SMO: variants seen among roughly 807,000 people sequenced by gnomAD.
SMO encodes the protein smoothened, frizzled class receptor.
SMO carries 40 observed loss-of-function variants against 81.6 expected under a neutral mutation model. The ratio of observed to expected loss-of-function variants is 0.49; its 90% CI spans 0.38 to 0.64. The LOEUF is 0.64. Ranked by LOEUF, SMO falls within the 30% of genes least tolerant of loss-of-function variation. The pLI, the probability that SMO is intolerant of heterozygous loss-of-function variation, is 0.00. For synonymous variants in SMO, 434 were observed against 432.1 expected (o/e 1.00, Z -0.05); for missense variants, 916 against 1,061.1 (o/e 0.86, Z 1.90).
At position 129,210,660 on chromosome 7, in the gene SMO, A is replaced by T. The variant is rs947346284; in HGVS notation, c.1652+112A>T. On this transcript the variant is annotated intron_variant, in intron 9 of 11. Coordinates refer to ENST00000249373, the MANE Select transcript of SMO (RefSeq NM_005631.5). The surrounding 1 kb of genome is among the most constrained non-coding windows in gnomAD (Gnocchi z 4.7). Reference sequence around the variant, plus strand: ...CTAGCACAGCCTTGGTCAGTGGTTCACCGCTGCCCCCTGGTGGCACCTTCT... The same window carrying T: ...CTAGCACAGCCTTGGTCAGTGGTTCTCCGCTGCCCCCTGGTGGCACCTTCT... 3 of 911,056 alleles carry T rather than the reference A, an allele frequency of 3.3e-6. No homozygotes were observed. In the African/African-American group the frequency reaches 4.9e-5, roughly 15 times the overall value. 56.4% of individuals were successfully genotyped at this position (911,056 alleles called of 1,614,324 possible).
At chr7:129,203,610 G>T (rs2150647008) in intron 2 of SMO, 21 bp downstream of exon 2, 1 of 1,580,304 alleles carries the variant, frequency 6.3e-7, no homozygotes, top group African/African-American at 1.3e-5. Context: ...TGTGAGACAA[G>T]GTCCAGGCTC....
chr7:129,213,216 A>G lies in SMO; in HGVS notation c.*765A>G, dbSNP rs9607. ...CCATCTCCACAGGAGAGACTGGTTC[A>G]GCTCTAGGGCCTCAGTCTGGAGTGG... On this transcript the variant is annotated 3_prime_UTR_variant, in exon 12 of 12. Coordinates refer to ENST00000249373, the MANE Select transcript of SMO (RefSeq NM_005631.5). The G allele has an allele frequency of 0.77, 179,757 of 233,278 alleles. 70,810 individuals carry two copies. Among genetic ancestry groups the G allele is most frequent in the Middle Eastern group, 0.88 (692 of 786 alleles). The allele number at this position is 233,278 out of a possible 1,614,324, so 14.5% of individuals were successfully genotyped here.
chr7:129,193,778 AAAAAAAAAT>A (rs1793516498), intron 1 of SMO, among the ~76,000 whole-genome samples: 1 of 91,580 alleles, frequency 1.1e-5, no homozygotes, highest in Non-Finnish European at 2.1e-5. Flanking sequence ...AAAAAAAAAA[AAAAAAAAAT>A]ATATATATAT....
chr7:129,199,542 C>CA (rs1793634239), intron 1 of SMO, among the ~76,000 whole-genome samples: 1 of 152,116 alleles, frequency 6.6e-6, no homozygotes. Flanking sequence ...CAAGACCAGC[C>CA]TGAGCAACAT....
chr7:129,201,560 C>T (rs1292417692), intron 1 of SMO, among the ~76,000 whole-genome samples: 1 of 152,194 alleles, frequency 6.6e-6, no homozygotes, highest in Non-Finnish European at 1.5e-5. Flanking sequence ...CATATATTCT[C>T]TCATGCTACT....
At position 129,213,467 on chromosome 7, in the gene SMO, C is replaced by A. The variant is rs1061285; in HGVS notation, c.*1016C>A. Reference sequence around the variant, plus strand: ...CAAGGCCCCACTTTCAAGAATCAGACAGCAGGAAGCCATAGATGCTGGCTG... The same window carrying A: ...CAAGGCCCCACTTTCAAGAATCAGAAAGCAGGAAGCCATAGATGCTGGCTG... On this transcript the variant is annotated 3_prime_UTR_variant, in exon 12 of 12. Coordinates refer to ENST00000249373, the MANE Select transcript of SMO (RefSeq NM_005631.5). 0.14 allele frequency: 32,743 copies of A among 232,636 alleles called. 2,526 individuals are homozygous for A. The highest frequency in any genetic ancestry group is 0.25 in the East Asian group (4,111 of 16,444). The allele number at this position is 232,636 out of a possible 1,614,324, so 14.4% of individuals were successfully genotyped here. A position where few individuals can be genotyped will look rare whatever the true frequency, so the allele number is the denominator to read the frequency against.
At chr7:129,209,078 C>A in intron 7 of SMO, 1 of 608,422 alleles carries the variant, frequency 1.6e-6, no homozygotes, top group South Asian at 1.9e-5. Flanking sequence ...TTCCTCCTGC[C>A]CACTACGTCC....
intron 1 of SMO, among the ~76,000 whole-genome samples, chr7:129,196,842 T>C (rs149516685): frequency 0.043 from 6,501 of 151,794 alleles, 152 homozygotes; most frequent in African/African-American, 0.048. Context: ...ATGGTGAAAC[T>C]CCATCTCTAC....
intron 1 of SMO, among the ~76,000 whole-genome samples, chr7:129,194,781 AT>A (rs1793544877): frequency 6.6e-6 from 1 of 151,152 alleles, no homozygotes; most frequent in Non-Finnish European, 1.5e-5. Context: ...TTGCTTGTTT[AT>A]TTGTTTGTTT....
Position 129,211,057 on chromosome 7 carries a change from A to G in SMO, c.1745A>G (p.Asn582Ser), listed in dbSNP as rs1408612211. 1 of 1,613,928 alleles carries G rather than the reference A, an allele frequency of 6.2e-7. No individual in the cohort carries two copies. Among genetic ancestry groups the G allele is most frequent in the East Asian group, 2.2e-5 (1 of 44,854 alleles). The change falls in exon 10 of 12, where the codon AAC (asparagine) becomes AGC (serine). Residue 582 changes from asparagine to serine, a missense_variant. By Grantham distance (46) the Asn-to-Ser change is conservative (BLOSUM62 1). This residue lies in a region of SMO where 324 missense variants were observed against 312.9 expected (regional missense o/e 1.04). Transcript: ENST00000249373. The surrounding 1 kb of genome is among the most constrained non-coding windows in gnomAD (Gnocchi z 4.6). ...TCTAAGCGGCACGAGCTCCTGCAGA[A>G]CCCAGGCCAGGAGCTGTCCTTCAGC... ...AFSKRHELLQ[N>S]PGQELSFSMH...
chr7:129,191,202 T>C (rs1793476716), intron 1 of SMO, among the ~76,000 whole-genome samples: 1 of 152,248 alleles, frequency 6.6e-6, no homozygotes, highest in African/African-American at 2.4e-5. Flanking sequence ...GTTAAATGCA[T>C]GTTTGATGTT....
In SMO at chr7:129,203,055, A is replaced by C. The variant is rs1433982039; in HGVS notation, c.332-329A>C. 2.6e-5 allele frequency among the ~76,000 whole-genome samples: 4 copies of C among 152,338 alleles called. No homozygotes were observed. In the East Asian group the frequency reaches 7.7e-4, roughly 29 times the overall value. Reference sequence around the variant, plus strand: ...TGTAACCAGTACCAGATCAAGAAGTAAAACATTCCCAGCAGCCCAGAGGTT... The same window carrying C: ...TGTAACCAGTACCAGATCAAGAAGTCAAACATTCCCAGCAGCCCAGAGGTT... On this transcript the variant is annotated intron_variant, in intron 1 of 11. Transcript: ENST00000249373.
rs1793872112 is a variant in SMO at position 129,211,689 on chromosome 7, G to A, written c.1855G>A (p.Ala619Thr). 2.5e-6 allele frequency: 4 copies of A among 1,613,702 alleles called. No individual in the cohort carries two copies. The highest frequency in any genetic ancestry group is 1.3e-5 in the African/African-American group (1 of 75,008). ...EPSADVSSAWAQHVTKMVARR... is the reference protein window; with the variant it reads ...EPSADVSSAWTQHVTKMVARR... ...CTCAGCTGATGTCTCCTCTGCCTGG[G>A]CCCAGCATGTCACCAAGATGGTGGC... is the stretch of plus-strand genomic sequence containing the variant. Residue 619 changes from alanine (A) to threonine (T), a missense_variant, in exon 11 of 12, where the codon GCC (alanine) becomes ACC (threonine). Coordinates refer to ENST00000249373, the MANE Select transcript of SMO (RefSeq NM_005631.5). This position sits in a 1 kb window ranked among gnomAD's most constrained non-coding sequence, Gnocchi z 4.6.
At chr7:129,193,122 C>T (rs576602071) in intron 1 of SMO, among the ~76,000 whole-genome samples, 17 of 152,148 alleles carry the variant, frequency 1.1e-4, no homozygotes, top group Non-Finnish European at 1.9e-4. Flanking sequence ...ATGTCCAGGC[C>T]GTGGTCCACC....
At position 129,188,667 on chromosome 7, in the gene SMO, G is replaced by A. The variant is rs984548914; in HGVS notation, c.-485G>A. ...AGCCCAGCGAGCTAGAGCAACAAAGGAGCCGGGTCGCCGGCGGGGAGAGTT... is the reference window on the plus strand; with the variant it reads ...AGCCCAGCGAGCTAGAGCAACAAAGAAGCCGGGTCGCCGGCGGGGAGAGTT... On this transcript the variant is annotated 5_prime_UTR_variant, in exon 1 of 12. Coordinates refer to ENST00000249373, the MANE Select transcript of SMO (RefSeq NM_005631.5). This position sits in a 1 kb window ranked among gnomAD's most constrained non-coding sequence, Gnocchi z 4.9. Among the ~76,000 whole-genome samples the A allele has an allele frequency of 1.3e-5, 2 of 152,118 alleles. No homozygotes were observed. The highest frequency in any genetic ancestry group is 2.9e-5 in the Non-Finnish European group (2 of 67,998).
intron 1 of SMO, 74 bp from the exon 2 acceptor site, chr7:129,203,310 A>C: frequency 2.6e-6 from 3 of 1,157,044 alleles, no homozygotes; most frequent in Non-Finnish European, 2.5e-6. Flanking sequence ...AAAGGCCTGG[A>C]GGACAGGGGT....
chr7:129,191,067 T>C (rs898597641), intron 1 of SMO, among the ~76,000 whole-genome samples: 15 of 152,240 alleles, frequency 9.9e-5, no homozygotes, highest in African/African-American at 3.4e-4. Context: ...GCCAGCTGTG[T>C]GGAAAGTCCA....
At chr7:129,204,848 T>TGTACTA (rs61493188) in intron 2 of SMO, among the ~76,000 whole-genome samples, 1 of 149,974 alleles carries the variant, frequency 6.7e-6, no homozygotes, top group Non-Finnish European at 1.5e-5. Context: ...AAACCCCGTC[T>TGTACTA]AAAATACAAA....
At position 129,210,414 on chromosome 7, in the gene SMO, C is replaced by T. The variant is rs2150653741; in HGVS notation, c.1518C>T (p.Asp506=). ...TGCCCACCAAGCAGCCCATCCCTGA[C>T]TGTGAGATCAAGAATCGCCCGAGCC... ...IGLPTKQPIP[D]CEIKNRPSLL... is the part of the protein sequence containing the mutation. Residue 506 remains aspartate (D), a synonymous_variant, in exon 9 of 12, where the codon GAC becomes GAT. Transcript: ENST00000249373. This position sits in a 1 kb window ranked among gnomAD's most constrained non-coding sequence, Gnocchi z 4.7. 2 of 1,614,212 alleles carry T rather than the reference C, an allele frequency of 1.2e-6. No homozygotes were observed. The highest frequency in any genetic ancestry group is 1.7e-6 in the Non-Finnish European group (2 of 1,180,004).
Sources: allele counts gnomAD v4.1 joint callset (sites outside exome capture counted in the v4.1 genomes callset), GRCh38; gene constraint gnomAD v4.1.1; regional missense constraint gnomAD v4.1.1; non-coding constraint Gnocchi (gnomAD v3.1); transcripts MANE v1.5; gene names NCBI Gene and HGNC (gene_info 2026-07-23, HGNC 2026-07-21).